Variants in SUPT3H observed in about 807,000 individuals in gnomAD.
SUPT3H encodes the protein SPT3 homolog, SAGA and STAGA complex component, also known as transcription initiation protein SPT3 homolog.
A neutral mutation model predicts 44.3 loss-of-function variants in SUPT3H; 44 were observed. The observed-to-expected ratio is 0.99, with a 90% CI of 0.78 to 1.28. SUPT3H has a LOEUF of 1.28. SUPT3H is among the 50% of genes most tolerant of loss of function. The probability of loss-of-function intolerance (pLI) is 0.00; values close to 1 mark genes in which losing one functional copy is unlikely to be tolerated. For missense variants in SUPT3H, 380 were observed against 387.1 expected (o/e 0.98, Z 0.15); for synonymous variants, 124 against 125.6 (o/e 0.99, Z 0.09).
At chr6:45,259,995 C>T (rs554891554) in intron 2 of SUPT3H, among the ~76,000 whole-genome samples, 4 of 152,182 alleles carry the variant, frequency 2.6e-5, no homozygotes, top group South Asian at 2.1e-4. Flanking sequence ...CTTTGAATTC[C>T]GTTACTAAGG....
At chr6:45,300,744 A>G (rs950805787) in intron 2 of SUPT3H, among the ~76,000 whole-genome samples, 3 of 152,242 alleles carry the variant, frequency 2.0e-5, no homozygotes, top group Admixed American at 1.3e-4. Flanking sequence ...TGAAAACTGT[A>G]CATTTTAAAT....
At chr6:45,163,088 A>T (rs1359241741) in intron 2 of SUPT3H, among the ~76,000 whole-genome samples, 1 of 152,180 alleles carries the variant, frequency 6.6e-6, no homozygotes, top group East Asian at 1.9e-4. Context: ...GGGAGATTAC[A>T]TATCTAAAAC....
At chr6:45,166,800 A>G (rs1470727138) in intron 2 of SUPT3H, among the ~76,000 whole-genome samples, 1 of 152,176 alleles carries the variant, frequency 6.6e-6, no homozygotes, top group Non-Finnish European at 1.5e-5. Context: ...GTCATTAGGG[A>G]ATGCAAATTA....
intron 2 of SUPT3H, among the ~76,000 whole-genome samples, chr6:45,219,105 C>G (rs1765568400): frequency 2.0e-5 from 3 of 151,410 alleles, no homozygotes; most frequent in Non-Finnish European, 4.4e-5. Context: ...CAGCTAAAAT[C>G]AAGAGGAAAA....
chr6:45,376,671 A>T (rs1796820845), intron 1 of SUPT3H, among the ~76,000 whole-genome samples: 1 of 152,226 alleles, frequency 6.6e-6, no homozygotes, highest in East Asian at 1.9e-4. Flanking sequence ...AGAGCATTCC[A>T]TTCTTGCAAA....
At chr6:45,248,911 C>T (rs1209067538) in intron 2 of SUPT3H, among the ~76,000 whole-genome samples, 1 of 132,118 alleles carries the variant, frequency 7.6e-6, no homozygotes. Context: ...AAGACTCCAT[C>T]TCAAAAAAAA....
At chr6:45,076,920 T>G (rs1031578028) in intron 3 of SUPT3H, among the ~76,000 whole-genome samples, 2 of 152,192 alleles carry the variant, frequency 1.3e-5, no homozygotes, top group Non-Finnish European at 2.9e-5. Context: ...AAACTTTAAA[T>G]GGCTCTAAAT....
chr6:45,321,838 T>C (rs1482921873), intron 2 of SUPT3H: 11 of 1,603,490 alleles, frequency 6.9e-6, no homozygotes, highest in East Asian at 2.2e-5. Flanking sequence ...GTGATAACAA[T>C]AGGGAAAAAC....
chr6:45,222,335 C>T (rs867821524), intron 2 of SUPT3H, among the ~76,000 whole-genome samples: 8 of 152,050 alleles, frequency 5.3e-5, no homozygotes, highest in African/African-American at 1.4e-4. Flanking sequence ...AAACACTCAA[C>T]GCTTGACAGT....
Position 45,077,353 on chromosome 6 carries a change from A to G in SUPT3H, c.186+28569T>C, listed in dbSNP as rs540423603. Among the ~76,000 whole-genome samples the G allele has an allele frequency of 5.3e-5, 8 of 152,246 alleles. No homozygotes were observed. The South Asian group carries it at 1.5e-3, about 28-fold the overall frequency. On this transcript the variant is annotated intron_variant, in intron 3 of 10. Transcript: ENST00000371459. Reference sequence around the variant, plus strand: ...TTTAAGAAATGTTCATAGGCTGGGCATGGTGGCTCATGCCTATAATCCCAG... The same window carrying G: ...TTTAAGAAATGTTCATAGGCTGGGCGTGGTGGCTCATGCCTATAATCCCAG...
chr6:44,886,104 T>C (rs566473633), intron 10 of SUPT3H, among the ~76,000 whole-genome samples: 8 of 152,070 alleles, frequency 5.3e-5, no homozygotes, highest in African/African-American at 1.7e-4. Flanking sequence ...CTCCAAGAAA[T>C]ATGGGACTAC....
chr6:45,054,944 C>G (rs1790885840), intron 3 of SUPT3H, among the ~76,000 whole-genome samples: 1 of 152,008 alleles, frequency 6.6e-6, no homozygotes, highest in Non-Finnish European at 1.5e-5. Context: ...CACTGGCTGA[C>G]CATTAAAACT....
intron 10 of SUPT3H, among the ~76,000 whole-genome samples, chr6:44,902,541 A>T (rs1008240584): frequency 1.3e-5 from 2 of 152,176 alleles, no homozygotes; most frequent in East Asian, 1.9e-4. Flanking sequence ...GCAAGTCCTC[A>T]GAGACCTACA....
rs550144710 is a variant in SUPT3H, at chr6:44,897,356, A to C, written c.912+35297T>G. On this transcript the variant is annotated intron_variant, in intron 10 of 10. Transcript: ENST00000371459. ...TCCTATAGAAATCTAATGTTAGAAA[A>C]ATATTCACTTAAAATATAGTGGGAA... 5.3e-5 allele frequency among the ~76,000 whole-genome samples: 8 copies of C among 152,292 alleles called. No homozygotes were observed. In the South Asian group the frequency reaches 8.3e-4, roughly 16 times the overall value.
intron 2 of SUPT3H, among the ~76,000 whole-genome samples, chr6:45,200,262 T>C (rs1407041243): frequency 1.3e-5 from 2 of 151,518 alleles, no homozygotes; most frequent in Non-Finnish European, 3.0e-5. Flanking sequence ...TATTTATATG[T>C]TCTCTAATTG....
At chr6:45,307,531 A>T (rs1225247589) in intron 2 of SUPT3H, among the ~76,000 whole-genome samples, 1 of 152,212 alleles carries the variant, frequency 6.6e-6, no homozygotes, top group Non-Finnish European at 1.5e-5. Flanking sequence ...GCTCCAGCGA[A>T]CTCCAACAGA....
intron 3 of SUPT3H, among the ~76,000 whole-genome samples, chr6:45,041,222 T>G (rs965409832): frequency 6.6e-6 from 1 of 152,148 alleles, no homozygotes; most frequent in Admixed American, 6.5e-5. Context: ...AATAAAAAAC[T>G]CAGTTCACTG....
At chr6:44,986,192 A>C (rs759752852) in intron 6 of SUPT3H, among the ~76,000 whole-genome samples, 8 of 152,108 alleles carry the variant, frequency 5.3e-5, no homozygotes, top group Admixed American at 2.0e-4. Flanking sequence ...GAAATATAAA[A>C]CTTTCCCAAT....
At chr6:45,074,626 C>T (rs1210076590) in intron 3 of SUPT3H, among the ~76,000 whole-genome samples, 1 of 151,996 alleles carries the variant, frequency 6.6e-6, no homozygotes, top group Non-Finnish European at 1.5e-5. Context: ...CATCCAAGAA[C>T]AGACACGCTA....
Sources: gnomAD v4.1 joint callset for allele counts (sites outside exome capture counted in the v4.1 genomes callset) on GRCh38, gnomAD v4.1.1 for gene constraint, MANE v1.5 for transcripts, NCBI Gene and HGNC (gene_info 2026-07-23, HGNC 2026-07-21) for gene names.